Variants in CFAP54 observed in about 807,000 individuals in gnomAD.
CFAP54 encodes cilia and flagella associated protein 54, also known as cilia- and flagella-associated protein 54.
A neutral mutation model predicts 370.4 loss-of-function variants in CFAP54; 290 were observed. The ratio of observed to expected loss-of-function variants is 0.78; its 90% CI spans 0.71 to 0.86. The LOEUF is 0.86. Ranked by LOEUF, CFAP54 falls within the 40% of genes least tolerant of loss-of-function variation. CFAP54 has a pLI of 0.00. For synonymous variants in CFAP54, 1,206 were observed against 1,236.5 expected (o/e 0.98, Z 0.52); for missense variants, 3,399 against 3,528.7 (o/e 0.96, Z 0.93).
chr12:96,865,635 G>A (rs188591070), intron 67 of CFAP54, among the ~76,000 whole-genome samples: 1 of 152,162 alleles, frequency 6.6e-6, no homozygotes, highest in Admixed American at 6.6e-5. Flanking sequence ...TGTTATATTA[G>A]TCTCTACTTC....
At chr12:96,523,532 T>C (rs1262804944) in intron 8 of CFAP54, among the ~76,000 whole-genome samples, 1 of 152,238 alleles carries the variant, frequency 6.6e-6, no homozygotes, top group African/African-American at 2.4e-5. Flanking sequence ...CAGGTACATT[T>C]TATACATCCC....
At chr12:96,623,304 G>A (rs183184017) in intron 27 of CFAP54, among the ~76,000 whole-genome samples, 2 of 152,036 alleles carry the variant, frequency 1.3e-5, no homozygotes, top group Admixed American at 1.3e-4. Flanking sequence ...ACTAATTGCT[G>A]ATCCCCTTAA....
At chr12:96,852,196 T>C (rs979505472) in intron 66 of CFAP54, among the ~76,000 whole-genome samples, 3 of 152,090 alleles carry the variant, frequency 2.0e-5, no homozygotes, top group Non-Finnish European at 4.4e-5. Flanking sequence ...CTTAAACTTC[T>C]ACCTATCAAA....
intron 19 of CFAP54, among the ~76,000 whole-genome samples, chr12:96,574,899 A>G (rs1219385285): frequency 6.6e-6 from 1 of 152,130 alleles, no homozygotes; most frequent in African/African-American, 2.4e-5. Flanking sequence ...TTGAGAGGAT[A>G]TCTGTTTCTC....
rs1413514383 is a variant in CFAP54 at position 96,630,120 on chromosome 12, A to G, written c.4131A>G (p.Ile1377Met). Reference protein sequence around the residue: ...KRRNESLLGLIKVKYKDSALN... With the variant: ...KRRNESLLGLMKVKYKDSALN... ...GAAATGAGTCTCTACTTGGACTAAT[A>G]AAAGTGAAATATAAGGATAGTGCTT... is the stretch of plus-strand genomic sequence containing the variant. Residue 1377 changes from isoleucine (I) to methionine (M), a missense_variant, in exon 31 of 68, where the codon ATA becomes ATG. Ile to Met is a conservative substitution (Grantham distance 10). This residue lies in a region of CFAP54 where 2,796 missense variants were observed against 2,869.7 expected (regional missense o/e 0.97). Transcript: ENST00000524981. 4 of 1,486,894 alleles carry G rather than the reference A, an allele frequency of 2.7e-6. No homozygotes were observed. Among genetic ancestry groups the G allele is most frequent in the Non-Finnish European group, 3.6e-6 (4 of 1,111,088 alleles). The allele number at this position is 1,486,894 out of a possible 1,614,324, so 92.1% of individuals were successfully genotyped here.
intron 36 of CFAP54, among the ~76,000 whole-genome samples, chr12:96,653,731 GAAGA>G (rs1487601809): frequency 6.6e-6 from 1 of 151,440 alleles, no homozygotes; most frequent in East Asian, 1.9e-4. Context: ...AAACTAAAGA[GAAGA>G]AAGGAAATAA....
intron 17 of CFAP54, among the ~76,000 whole-genome samples, chr12:96,556,605 A>G (rs1267726862): frequency 6.6e-6 from 1 of 152,156 alleles, no homozygotes; most frequent in Non-Finnish European, 1.5e-5. Flanking sequence ...ATGCACATGT[A>G]TGTTCATTGC....
At chr12:96,742,794 A>T (rs1958067299) in intron 52 of CFAP54, among the ~76,000 whole-genome samples, 1 of 152,200 alleles carries the variant, frequency 6.6e-6, no homozygotes, top group African/African-American at 2.4e-5. Flanking sequence ...TTACTAATGT[A>T]TGCAAAACAG....
chr12:96,726,854 C>T (rs1324516258), intron 50 of CFAP54, among the ~76,000 whole-genome samples: 1 of 151,428 alleles, frequency 6.6e-6, no homozygotes, highest in African/African-American at 2.4e-5. Flanking sequence ...TGAATGTGTC[C>T]CAGAGATTCT....
chr12:96,576,565 A>G lies in CFAP54; in HGVS notation c.2620-20A>G, dbSNP rs1328327558. ...TCAAGCTCTTGACATATATTTTTCT[A>G]TTTTCATATTTCATTATAGGAAGCA... On this transcript the variant is annotated intron_variant, in intron 19 of 67. Transcript: ENST00000524981. 2.0e-6 allele frequency: 3 copies of G among 1,466,490 alleles called. No individual in the cohort carries two copies. Among genetic ancestry groups the G allele is most frequent in the Non-Finnish European group, 2.7e-6 (3 of 1,098,628 alleles). 90.8% of individuals were successfully genotyped at this position (1,466,490 alleles called of 1,614,324 possible).
intron 26 of CFAP54, among the ~76,000 whole-genome samples, chr12:96,620,471 T>C (rs1161345593): frequency 1.3e-5 from 2 of 152,220 alleles, no homozygotes; most frequent in Non-Finnish European, 2.9e-5. Context: ...CTCATTCACC[T>C]TCAGCCGTGA....
intron 6 of CFAP54, among the ~76,000 whole-genome samples, chr12:96,521,503 CGTGT>C (rs10554608): frequency 0.065 from 8,465 of 129,562 alleles, 274 homozygotes; most frequent in African/African-American, 0.093. Context: ...CAACTGAGGA[CGTGT>C]GTGTGTGTGT....
At chr12:96,803,599 CCA>C (rs1167977041) in intron 63 of CFAP54, among the ~76,000 whole-genome samples, 6 of 152,124 alleles carry the variant, frequency 3.9e-5, no homozygotes, top group African/African-American at 1.4e-4. Context: ...CTACCCTAAG[CCA>C]CCAAGGAAAC....
intron 60 of CFAP54, among the ~76,000 whole-genome samples, chr12:96,777,418 C>T (rs1001365031): frequency 1.3e-5 from 2 of 151,312 alleles, no homozygotes; most frequent in Middle Eastern, 3.4e-3. Flanking sequence ...GGCGCAATCT[C>T]GCCTCCCTGC....
intron 65 of CFAP54, among the ~76,000 whole-genome samples, chr12:96,821,286 T>G (rs1959030680): frequency 6.6e-6 from 1 of 151,890 alleles, no homozygotes; most frequent in African/African-American, 2.4e-5. Flanking sequence ...AAATAAGAAA[T>G]AAATGAGGTC....
At chr12:96,862,703 A>G (rs1449627571) in intron 67 of CFAP54, among the ~76,000 whole-genome samples, 2 of 152,238 alleles carry the variant, frequency 1.3e-5, no homozygotes, top group African/African-American at 2.4e-5. Context: ...CATGATGTCT[A>G]TACCCTCATA....
At chr12:96,592,088 T>C (rs1188832237) in intron 23 of CFAP54, among the ~76,000 whole-genome samples, 2 of 152,032 alleles carry the variant, frequency 1.3e-5, no homozygotes, top group Non-Finnish European at 2.9e-5. Flanking sequence ...TAGAACAGTG[T>C]CTTGTACATA....
intron 25 of CFAP54, among the ~76,000 whole-genome samples, chr12:96,597,549 A>G (rs569950173): frequency 6.6e-6 from 1 of 152,142 alleles, no homozygotes; most frequent in African/African-American, 2.4e-5. Flanking sequence ...GAAAATGTGT[A>G]CCATGAAGTC....
intron 19 of CFAP54, among the ~76,000 whole-genome samples, chr12:96,575,662 G>T (rs1955967468): frequency 1.3e-5 from 2 of 151,996 alleles, no homozygotes; most frequent in African/African-American, 2.4e-5. Flanking sequence ...GTAACTCAAG[G>T]TCACAAAGAT....
Sources: allele counts gnomAD v4.1 joint callset (sites outside exome capture counted in the v4.1 genomes callset), GRCh38; gene constraint gnomAD v4.1.1; regional missense constraint gnomAD v4.1.1; transcripts MANE v1.5; gene names NCBI Gene and HGNC (gene_info 2026-07-23, HGNC 2026-07-21).